SNX8: variants seen among roughly 807,000 people sequenced by gnomAD.
SNX8 encodes sorting nexin 8, also known as sorting nexin-8.
A neutral mutation model predicts 51.6 loss-of-function variants in SNX8; 25 were observed. The ratio of observed to expected loss-of-function variants is 0.48; its 90% CI spans 0.35 to 0.68. The LOEUF (loss-of-function observed/expected upper bound fraction) is 0.68, where lower values mean the gene tolerates loss of function less well. SNX8 is among the 30% of genes least tolerant of loss of function. The pLI is 0.00. For missense variants in SNX8, 695 were observed against 624.0 expected (o/e 1.11, Z -1.21); for synonymous variants, 324 against 277.0 (o/e 1.17, Z -1.68).
intron 1 of SNX8, among the ~76,000 whole-genome samples, chr7:2,293,199 C>T (rs960461069): frequency 1.6e-4 from 23 of 148,166 alleles, no homozygotes; most frequent in African/African-American, 5.7e-4. Flanking sequence ...GCGCAGGTCT[C>T]CAATTCCTAA....
At chr7:2,315,568 C>A (rs1250259347), upstream of SNX8, among the ~76,000 whole-genome samples, 1 of 147,248 alleles carries the variant, frequency 6.8e-6, no homozygotes, top group Non-Finnish European at 1.5e-5. Context: ...CTCACTCATG[C>A]ACTGCATCCT....
At chr7:2,276,212 C>T (rs775084184) in intron 2 of SNX8, among the ~76,000 whole-genome samples, 6 of 152,172 alleles carry the variant, frequency 3.9e-5, no homozygotes, top group Non-Finnish European at 8.8e-5. Flanking sequence ...ACGTCTCACA[C>T]GCTCAGAGTT....
At chr7:2,266,654 G>C (rs1795471674) in intron 5 of SNX8, among the ~76,000 whole-genome samples, 2 of 151,880 alleles carry the variant, frequency 1.3e-5, no homozygotes, top group South Asian at 4.2e-4. Flanking sequence ...CGGTTTTTTG[G>C]GGTTTGTTTT....
chr7:2,285,622 C>G (rs1180164855), intron 1 of SNX8, among the ~76,000 whole-genome samples: 1 of 152,116 alleles, frequency 6.6e-6, no homozygotes, highest in Non-Finnish European at 1.5e-5. Context: ...CAAGACAGCT[C>G]CCCTAACTAC....
intron 1 of SNX8, among the ~76,000 whole-genome samples, chr7:2,321,351 G>A (rs952088011): frequency 9.2e-5 from 14 of 152,140 alleles, no homozygotes; most frequent in African/African-American, 2.9e-4. Flanking sequence ...GCACCGACAC[G>A]TCTGCCTTCA....
At chr7:2,309,902 G>A in intron 1 of SNX8, 1 of 470,462 alleles carries the variant, frequency 2.1e-6, no homozygotes, top group Non-Finnish European at 4.4e-6. Context: ...AGGGGTGAAG[G>A]AGCCCCGAGG....
intron 1 of SNX8, among the ~76,000 whole-genome samples, chr7:2,309,469 C>T (rs556779605): frequency 5.8e-4 from 88 of 152,172 alleles, no homozygotes; most frequent in African/African-American, 1.4e-3. Flanking sequence ...CGGTGGCTCA[C>T]GCCTGTAATC....
intron 1 of SNX8, among the ~76,000 whole-genome samples, chr7:2,304,523 G>A (rs886238863): frequency 1.9e-4 from 28 of 151,320 alleles, no homozygotes; most frequent in Non-Finnish European, 3.4e-4. Context: ...CAGCCTGGGC[G>A]ACAGAGCGAG....
At chr7:2,354,096 C>G (rs906444078) in intron 1 of SNX8, 2 of 152,436 alleles carry the variant, frequency 1.3e-5, no homozygotes, top group African/African-American at 4.8e-5. Flanking sequence ...GTGACCCGCG[C>G]TGTCCCGCGC....
upstream of SNX8, chr7:2,314,462 G>A (rs1355746043): frequency 4.2e-6 from 5 of 1,196,838 alleles, no homozygotes; most frequent in South Asian, 1.2e-4. Context: ...CGCGCCACCC[G>A]GCCGCGCAGC....
intron 1 of SNX8, among the ~76,000 whole-genome samples, chr7:2,294,468 A>G (rs1230040246): frequency 6.6e-6 from 1 of 152,012 alleles, no homozygotes; most frequent in East Asian, 1.9e-4. Context: ...GTTCCTAAAA[A>G]CACTGTAAGT....
chr7:2,350,304 C>T (rs559994568), intron 1 of SNX8, among the ~76,000 whole-genome samples: 37 of 152,196 alleles, frequency 2.4e-4, no homozygotes, highest in Non-Finnish European at 1.9e-4. Flanking sequence ...GCCCAGTCTC[C>T]GGGCTCAGGC....
intron 1 of SNX8, among the ~76,000 whole-genome samples, chr7:2,307,370 C>T (rs1279779400): frequency 1.3e-5 from 2 of 151,842 alleles, no homozygotes; most frequent in South Asian, 4.1e-4. Context: ...CAGTGGCTCA[C>T]GCCTGTAATC....
chr7:2,323,275 A>C (rs190792673), intron 1 of SNX8, among the ~76,000 whole-genome samples: 1 of 141,342 alleles, frequency 7.1e-6, no homozygotes, highest in East Asian at 2.3e-4. Context: ...GGTTGCAGTG[A>C]GCTGAGATTG....
chr7:2,306,775 T>C (rs1481548480), intron 1 of SNX8, among the ~76,000 whole-genome samples: 1 of 152,196 alleles, frequency 6.6e-6, no homozygotes, highest in African/African-American at 2.4e-5. Flanking sequence ...GTTGTATCAC[T>C]TGTATAACAA....
At position 2,348,338 on chromosome 7, in the gene SNX8, C is replaced by CT. The variant is rs59761780; in HGVS notation, c.-66+5883dup. The stretch of plus-strand genomic sequence containing the variant: ...CAGTATCTTTTTCTTTTCTTTCTTT[C>CT]TTTTTTTTTTTTTTTTTTTTGAGAC... On this transcript the variant is annotated intron_variant, in intron 1 of 5. Coordinates refer to the SNX8 transcript ENST00000435336. Among the ~76,000 whole-genome samples, 653 of 93,642 alleles carry CT rather than the reference C, an allele frequency of 7.0e-3. 11 individuals carry two copies. The highest frequency in any genetic ancestry group is 0.018 in the African/African-American group (472 of 25,812). The allele number at this position is 93,642 out of a possible 152,430, so 61.4% of individuals were successfully genotyped here.
chr7:2,326,033 G>A (rs1583113883), intron 1 of SNX8, among the ~76,000 whole-genome samples: 1 of 152,140 alleles, frequency 6.6e-6, no homozygotes, highest in Non-Finnish European at 1.5e-5. Flanking sequence ...AGTATTGAAA[G>A]TGAGGCTTGG....
chr7:2,270,680 T>C (rs943266922), intron 4 of SNX8, among the ~76,000 whole-genome samples: 1 of 151,784 alleles, frequency 6.6e-6, no homozygotes, highest in Non-Finnish European at 1.5e-5. Context: ...GCTCAAAAGA[T>C]CCCACTGCCT....
At chr7:2,277,738 C>T (rs1199528307) in intron 2 of SNX8, among the ~76,000 whole-genome samples, 1 of 151,562 alleles carries the variant, frequency 6.6e-6, no homozygotes, top group African/African-American at 2.4e-5. Flanking sequence ...ACCCGGGAGG[C>T]AGAGTTTGCA....
Sources: gnomAD v4.1 joint callset for allele counts (sites outside exome capture counted in the v4.1 genomes callset) on GRCh38, gnomAD v4.1.1 for gene constraint, MANE v1.5 for transcripts, NCBI Gene and HGNC (gene_info 2026-07-23, HGNC 2026-07-21) for gene names.